DLGAP1: variants seen among roughly 807,000 people sequenced by gnomAD.
The protein encoded by DLGAP1 is DLG associated protein 1, also known as disks large-associated protein 1.
A neutral mutation model predicts 90.8 loss-of-function variants in DLGAP1; 11 were observed. The observed-to-expected ratio is 0.12, with a 90% CI of 0.08 to 0.20. The LOEUF is 0.20. Ranked by LOEUF, DLGAP1 falls within the 10% of genes least tolerant of loss-of-function variation. DLGAP1 has a pLI of 1.00. For synonymous variants in DLGAP1, 558 were observed against 540.7 expected (o/e 1.03, Z -0.44); for missense variants, 1,050 against 1,333.8 (o/e 0.79, Z 3.31).
chr18:3,637,944 CTTTT>C (rs56346479), intron 7 of DLGAP1, among the ~76,000 whole-genome samples: 2 of 109,410 alleles, frequency 1.8e-5, no homozygotes, highest in Admixed American at 1.1e-4. Flanking sequence ...TGCTAGGTAG[CTTTT>C]TTTTTTTTTT....
At chr18:4,063,582 C>T (rs1396617448) in intron 2 of DLGAP1, among the ~76,000 whole-genome samples, 3 of 152,084 alleles carry the variant, frequency 2.0e-5, no homozygotes, top group Non-Finnish European at 4.4e-5. Context: ...TGCAGTCATA[C>T]CCCCTCTACC....
At chr18:4,174,405 G>T (rs886934262) in intron 1 of DLGAP1, among the ~76,000 whole-genome samples, 1 of 151,998 alleles carries the variant, frequency 6.6e-6, no homozygotes, top group African/African-American at 2.4e-5. Context: ...CACGATCTCG[G>T]CTCACTGCAA....
intron 2 of DLGAP1, among the ~76,000 whole-genome samples, chr18:4,090,009 C>T (rs953372345): frequency 2.6e-5 from 4 of 152,076 alleles, no homozygotes; most frequent in African/African-American, 9.7e-5. Flanking sequence ...CGCGCCGCTG[C>T]ACTCCAGCCT....
intron 7 of DLGAP1, among the ~76,000 whole-genome samples, chr18:3,704,969 G>A (rs1232930465): frequency 6.6e-6 from 1 of 152,190 alleles, no homozygotes; most frequent in African/African-American, 2.4e-5. Context: ...AAGCAAATGA[G>A]AAAAGTCAGC....
At chr18:4,377,978 G>A (rs1440614130) in intron 1 of DLGAP1, among the ~76,000 whole-genome samples, 1 of 151,352 alleles carries the variant, frequency 6.6e-6, no homozygotes, top group Admixed American at 6.6e-5. Flanking sequence ...CATGTACTTT[G>A]GAGTATGGCC....
chr18:4,197,842 A>C (rs16946225), intron 1 of DLGAP1, among the ~76,000 whole-genome samples: 11,835 of 152,206 alleles, frequency 0.078, 1,179 homozygotes, highest in African/African-American at 0.22. Flanking sequence ...AAGAGTGGGC[A>C]TCCAGCACTT....
chr18:4,299,008 G>A (rs1436496136), intron 1 of DLGAP1, among the ~76,000 whole-genome samples: 2 of 150,338 alleles, frequency 1.3e-5, no homozygotes, highest in East Asian at 2.0e-4. Flanking sequence ...GTGAACCCGG[G>A]AGGCACAGCT....
intron 5 of DLGAP1, among the ~76,000 whole-genome samples, chr18:3,799,334 A>G (rs16945399): frequency 0.54 from 82,170 of 151,840 alleles, 24,873 homozygotes; most frequent in Non-Finnish European, 0.68. Flanking sequence ...CATGGGTGCT[A>G]CCAGAAAGGG....
chr18:3,733,711 G>A (rs2062531494), intron 6 of DLGAP1, among the ~76,000 whole-genome samples: 1 of 152,244 alleles, frequency 6.6e-6, no homozygotes, highest in African/African-American at 2.4e-5. Context: ...TTCTCAGAAT[G>A]TGTTCATGGA....
intron 3 of DLGAP1, among the ~76,000 whole-genome samples, chr18:3,976,566 A>T (rs1352943225): frequency 1.3e-5 from 2 of 152,148 alleles, no homozygotes; most frequent in African/African-American, 4.8e-5. Flanking sequence ...GTTACTGGGC[A>T]GTCTTTGTAA....
At chr18:4,167,400 A>G (rs2076950524) in intron 1 of DLGAP1, among the ~76,000 whole-genome samples, 1 of 152,194 alleles carries the variant, frequency 6.6e-6, no homozygotes, top group African/African-American at 2.4e-5. Flanking sequence ...AAGAGAAATT[A>G]CTAGAGAAAG....
intron 1 of DLGAP1, among the ~76,000 whole-genome samples, chr18:4,336,364 G>A (rs147739616): frequency 4.6e-5 from 7 of 152,288 alleles, no homozygotes; most frequent in Non-Finnish European, 2.9e-5. Flanking sequence ...AACACTTTGA[G>A]GACCACTGTG....
intron 1 of DLGAP1, among the ~76,000 whole-genome samples, chr18:4,198,777 A>T (rs1299165574): frequency 6.6e-6 from 1 of 152,222 alleles, no homozygotes; most frequent in Non-Finnish European, 1.5e-5. Flanking sequence ...TGCATATCAA[A>T]TGATGTATTA....
chr18:3,758,257 G>T (rs952102619), intron 5 of DLGAP1, among the ~76,000 whole-genome samples: 9 of 152,050 alleles, frequency 5.9e-5, no homozygotes, highest in Non-Finnish European at 1.0e-4. Flanking sequence ...ATTCAAACCT[G>T]ACCAATGAAA....
At chr18:4,336,035 CAAG>C (rs1371477937) in intron 1 of DLGAP1, among the ~76,000 whole-genome samples, 1 of 152,172 alleles carries the variant, frequency 6.6e-6, no homozygotes, top group Non-Finnish European at 1.5e-5. Flanking sequence ...GTTTATCACA[CAAG>C]AAGCAGCAAA....
chr18:3,757,696 C>T (rs2063773800), intron 5 of DLGAP1, among the ~76,000 whole-genome samples: 1 of 152,208 alleles, frequency 6.6e-6, no homozygotes, highest in Non-Finnish European at 1.5e-5. Flanking sequence ...AACCCAACAG[C>T]TATTAATGAT....
intron 2 of DLGAP1, among the ~76,000 whole-genome samples, chr18:4,010,316 A>G (rs6417025): frequency 0.53 from 80,112 of 151,936 alleles, 21,746 homozygotes; most frequent in African/African-American, 0.6. Context: ...AAGCCAAGGC[A>G]GGAGGATTGC....
intron 7 of DLGAP1, chr18:3,721,678 G>A (rs1453208651): frequency 6.6e-6 from 1 of 152,048 alleles, no homozygotes; most frequent in Non-Finnish European, 1.5e-5. Flanking sequence ...ATATTTGCGA[G>A]AGGAAAGAAT....
intron 2 of DLGAP1, among the ~76,000 whole-genome samples, chr18:4,149,850 A>G (rs1327965448): frequency 6.6e-6 from 1 of 151,864 alleles, no homozygotes; most frequent in Non-Finnish European, 1.5e-5. Flanking sequence ...TCCCTGGACC[A>G]CTGCCTTACA....
Sources: gnomAD v4.1 joint callset for allele counts (sites outside exome capture counted in the v4.1 genomes callset) on GRCh38, gnomAD v4.1.1 for gene constraint, MANE v1.5 for transcripts, NCBI Gene and HGNC (gene_info 2026-07-23, HGNC 2026-07-21) for gene names.